Variants in PRAM1 observed in about 807,000 individuals in gnomAD.
The protein encoded by PRAM1 is PML-RARA regulated adaptor molecule 1.
PRAM1 carries 41 observed loss-of-function variants against 55.3 expected under a neutral mutation model. That is an observed-to-expected ratio of 0.74 (90% confidence interval 0.58 to 0.96). The LOEUF (loss-of-function observed/expected upper bound fraction) is 0.96, where lower values mean the gene tolerates loss of function less well. PRAM1 is among the 40% of genes least tolerant of loss of function. The pLI is 0.00. For missense variants in PRAM1, 898 were observed against 892.7 expected, an observed-to-expected ratio of 1.01 and a Z score of -0.08; for synonymous variants, 401 against 387.1, an observed-to-expected ratio of 1.04 and a Z score of -0.42.
chr19:8,499,347 T>C lies in PRAM1; in HGVS notation c.461A>G (p.Lys154Arg). Reference sequence around the variant, plus strand: ...CGCACCAGGCTCCGGCAGCGAGGCCTTCAAAGGGGCCTCACCGACCTCAGG... The same window carrying C: ...CGCACCAGGCTCCGGCAGCGAGGCCCTCAAAGGGGCCTCACCGACCTCAGG... ...LQPEVGEAPL[K>R]ASLPEPGAPA... The change falls in exon 2 of 10, where the codon AAG becomes AGG. Residue 154 changes from lysine (K) to arginine (R), a missense_variant. This residue lies in a region of PRAM1 where 787 missense variants were observed against 735.4 expected (regional missense o/e 1.07). Transcript: ENST00000423345. 4 of 1,611,402 alleles carry C rather than the reference T, an allele frequency of 2.5e-6. No individual in the cohort carries two copies. Among genetic ancestry groups the C allele is most frequent in the Non-Finnish European group, 3.4e-6 (4 of 1,179,158 alleles).
chr19:8,500,358 G>T (rs1245533896), intron 1 of PRAM1, among the ~76,000 whole-genome samples: 1 of 151,832 alleles, frequency 6.6e-6, no homozygotes, highest in Non-Finnish European at 1.5e-5. Context: ...CCAGGAGGTA[G>T]TGGGAGGCAG....
At position 8,493,639 on chromosome 19, in the gene PRAM1, C is replaced by T. The variant is rs556009652; in HGVS notation, c.1577-2482G>A. Among the ~76,000 whole-genome samples the T allele has an allele frequency of 6.6e-6, 1 of 152,302 alleles. No homozygotes were observed. Among genetic ancestry groups the T allele is most frequent in the African/African-American group, 2.4e-5 (1 of 41,574 alleles). On this transcript the variant is annotated intron_variant, in intron 4 of 9. Transcript: ENST00000423345. This position sits in a 1 kb window ranked among gnomAD's most constrained non-coding sequence, Gnocchi z 4.1. ...GCCCCCTGCCTTCCAGGAACCTCTGCAGTGGAGCTGCCACTGCTCCAAGTA... is the reference window on the plus strand; with the variant it reads ...GCCCCCTGCCTTCCAGGAACCTCTGTAGTGGAGCTGCCACTGCTCCAAGTA...
At chr19:8,494,944 TTTC>T (rs1971678044) in intron 4 of PRAM1, among the ~76,000 whole-genome samples, 1 of 147,138 alleles carries the variant, frequency 6.8e-6, no homozygotes, top group African/African-American at 2.5e-5. Context: ...TTTTTTTTTT[TTTC>T]AACTGAGACA....
intron 3 of PRAM1, 30 bp downstream of exon 3, chr19:8,498,193 C>A (rs764124739): frequency 6.2e-7 from 1 of 1,603,944 alleles, no homozygotes; most frequent in Non-Finnish European, 8.5e-7. Flanking sequence ...CCACAATCCG[C>A]ACCCACCTCC....
intron 4 of PRAM1, 40 bp from the exon 5 acceptor site, chr19:8,491,197 C>A (rs767047648): frequency 1.9e-6 from 3 of 1,583,980 alleles, no homozygotes; most frequent in Admixed American, 1.7e-5. Context: ...CAGGGCCCGC[C>A]GGCTCAGCCT....
intron 1 of PRAM1, among the ~76,000 whole-genome samples, chr19:8,501,937 TC>T (rs1432652534): frequency 6.6e-6 from 1 of 152,136 alleles, no homozygotes. Context: ...GCCTCCTTAG[TC>T]CTACAAACGC....
At chr19:8,492,709 TATC>T (rs1257404008) in intron 4 of PRAM1, among the ~76,000 whole-genome samples, 1 of 151,894 alleles carries the variant, frequency 6.6e-6, no homozygotes, top group Non-Finnish European at 1.5e-5. Flanking sequence ...GACAGTAAAA[TATC>T]ATGGCCAGGC....
intron 2 of PRAM1, 23 bp downstream of exon 2, chr19:8,498,353 C>A (rs1406663976): frequency 6.3e-7 from 1 of 1,583,506 alleles, no homozygotes; most frequent in Non-Finnish European, 8.6e-7. Flanking sequence ...CCGCTCCTGC[C>A]GGTGCCGCCC....
chr19:8,498,389 A>T lies in PRAM1; in HGVS notation c.1419T>A (p.Ser473=), dbSNP rs1599881317. The T allele has an allele frequency of 6.3e-7, 1 of 1,580,736 alleles. No homozygotes were observed. Among genetic ancestry groups the T allele is most frequent in the South Asian group, 1.1e-5 (1 of 87,674 alleles). The change falls in exon 2 of 10, where the codon TCT becomes TCA. Residue 473 remains serine (S), a synonymous_variant. Transcript: ENST00000423345. ...GCCCTCACCCACCTATGGATGCTGC[A>T]GAGGGTCTCCGAAAGCTCTGCATAT... is the stretch of plus-strand genomic sequence containing the variant. ...PVDMQSFRRP[S]AASIDLRRTR...
chr19:8,501,236 T>C (rs2145798515), intron 1 of PRAM1, among the ~76,000 whole-genome samples: 1 of 151,068 alleles, frequency 6.6e-6, no homozygotes, highest in South Asian at 2.1e-4. Flanking sequence ...GGATCACAGG[T>C]GTCTGCCACG....
chr19:8,498,116 G>A, intron 3 of PRAM1, 107 bp downstream of exon 3: 1 of 1,208,246 alleles, frequency 8.3e-7, no homozygotes, highest in Non-Finnish European at 1.2e-6. Context: ...CTGACTTCAG[G>A]AGATCCGCCC....
At chr19:8,496,056 CT>C (rs1481311284) in intron 4 of PRAM1, 2 of 456,116 alleles carry the variant, frequency 4.4e-6, no homozygotes, top group Admixed American at 4.7e-5. Context: ...CAGGCCACAC[CT>C]CCCCCTGAGT....
Position 8,490,385 on chromosome 19 carries a change from A to C in PRAM1, c.1941-13T>G, listed in dbSNP as rs372605807. The C allele has an allele frequency of 7.4e-6, 12 of 1,613,938 alleles. No individual in the cohort carries two copies. Among genetic ancestry groups the C allele is most frequent in the Non-Finnish European group, 9.3e-6 (11 of 1,179,882 alleles). On this transcript the variant is annotated splice_polypyrimidine_tract_variant and intron_variant, in intron 8 of 9. Coordinates refer to ENST00000423345, the MANE Select transcript of PRAM1 (RefSeq NM_032152.5). The surrounding 1 kb of genome is among the most constrained non-coding windows in gnomAD (Gnocchi z 7.3). ...CACCTCCGTCTCCCTGGCAGAGCAC[A>C]GTTGGGTCAGCAAGGGGCACCGTGG...
At chr19:8,499,878 C>T in intron 1 of PRAM1, 98 bp from the exon 2 acceptor site, 1 of 1,058,972 alleles carries the variant, frequency 9.4e-7, no homozygotes, top group Non-Finnish European at 1.3e-6. Flanking sequence ...ACAACCACCA[C>T]CCCTGCGCCC....
intron 5 of PRAM1, 52 bp from the exon 6 acceptor site, chr19:8,491,047 T>C: frequency 1.2e-6 from 2 of 1,611,584 alleles, no homozygotes; most frequent in South Asian, 2.2e-5. Context: ...TGTGCTCCTC[T>C]GGGGGTTCCT....
Position 8,499,151 on chromosome 19 carries a change from A to T in PRAM1, c.657T>A (p.Pro219=). 6.2e-7 allele frequency: 1 copy of T among 1,613,142 alleles called. No homozygotes were observed. The highest frequency in any genetic ancestry group is 1.1e-5 in the South Asian group (1 of 91,056). The change falls in exon 2 of 10, where the codon CCT becomes CCA. Residue 219 remains proline, a synonymous_variant. Coordinates refer to ENST00000423345, the MANE Select transcript of PRAM1 (RefSeq NM_032152.5). The part of the protein sequence containing the change: ...LSTFPKKPAQ[P]EFNVYPKKPP... ...GCTTTTTGGGGTACACGTTGAACTC[A>T]GGCTGCGCAGGCTTCTTGGGAAAGG...
intron 1 of PRAM1, among the ~76,000 whole-genome samples, chr19:8,500,504 G>T (rs1302953075): frequency 6.6e-6 from 1 of 152,052 alleles, no homozygotes; most frequent in Non-Finnish European, 1.5e-5. Flanking sequence ...GTCTGTTTGT[G>T]TCCCTCTGCT....
chr19:8,497,975 G>A (rs1313455992), intron 3 of PRAM1, 135 bp from the exon 4 acceptor site: 9 of 720,108 alleles, frequency 1.2e-5, no homozygotes, highest in Non-Finnish European at 1.7e-5. Context: ...TCCACCTCCC[G>A]GGTTCAAGCG....
chr19:8,500,031 C>T (rs986799431), intron 1 of PRAM1, among the ~76,000 whole-genome samples: 1 of 152,030 alleles, frequency 6.6e-6, no homozygotes, highest in African/African-American at 2.4e-5. Context: ...GACATCCCTC[C>T]TGCAGCCTCC....
Sources: gnomAD v4.1 joint callset for allele counts (sites outside exome capture counted in the v4.1 genomes callset) on GRCh38, gnomAD v4.1.1 for gene constraint, gnomAD v4.1.1 regional missense constraint, Gnocchi (gnomAD v3.1) non-coding constraint, MANE v1.5 for transcripts, NCBI Gene and HGNC (gene_info 2026-07-23, HGNC 2026-07-21) for gene names.